Variants in PCDHGA2 observed in about 807,000 individuals in gnomAD.
PCDHGA2 encodes protocadherin gamma subfamily A, 2, also known as protocadherin gamma-A2.
PCDHGA2 carries 40 observed loss-of-function variants against 59.2 expected under a neutral mutation model. That is an observed-to-expected ratio of 0.68 (90% CI 0.52 to 0.88). PCDHGA2 has a LOEUF of 0.88. Among genes scored for constraint, PCDHGA2 ranks in the 40% least tolerant of loss-of-function variants. The probability of loss-of-function intolerance (pLI) is 0.00; values close to 1 mark genes in which losing one functional copy is unlikely to be tolerated. For synonymous variants in PCDHGA2, 560 were observed against 526.0 expected (o/e 1.06, Z -0.89); for missense variants, 1,226 against 1,204.0 (o/e 1.02, Z -0.27).
At chr5:141,495,463 G>T (rs1562169154) in intron 2 of PCDHGA2, among the ~76,000 whole-genome samples, 1 of 152,114 alleles carries the variant, frequency 6.6e-6, no homozygotes, top group Non-Finnish European at 1.5e-5. Context: ...TCTGTCTGTG[G>T]GGTCTCCGTG....
In PCDHGA2 at chr5:141,357,221, A is replaced by G. The variant is rs201265946; in HGVS notation, c.2424+15826A>G. The stretch of plus-strand genomic sequence containing the variant: ...GACAGCATCCCAGATGTCCTGGCTG[A>G]CTTGGGCAGCCTCAAGCCTTCAGCA... On this transcript the variant is annotated intron_variant, in intron 1 of 3. Coordinates refer to ENST00000394576, the MANE Select transcript of PCDHGA2 (RefSeq NM_018915.4). 7.9e-5 allele frequency: 128 copies of G among 1,613,582 alleles called. No individual in the cohort carries two copies. Among genetic ancestry groups the G allele is most frequent in the Admixed American group, 2.2e-4 (13 of 59,986 alleles).
intron 1 of PCDHGA2, chr5:141,418,622 G>C: frequency 6.2e-7 from 1 of 1,614,026 alleles, no homozygotes; most frequent in Non-Finnish European, 8.5e-7. Context: ...TCGGGAAGAC[G>C]TGCCTCCAGG....
intron 1 of PCDHGA2, among the ~76,000 whole-genome samples, chr5:141,401,533 CA>C: frequency 6.6e-6 from 1 of 151,790 alleles, no homozygotes; most frequent in East Asian, 1.9e-4. Flanking sequence ...AAGAAACTTA[CA>C]AAAAAAAGGA....
intron 1 of PCDHGA2, chr5:141,388,188 T>C: frequency 6.5e-7 from 1 of 1,540,372 alleles, no homozygotes; most frequent in South Asian, 1.1e-5. Context: ...GAAGCCAGCT[T>C]GTGCTCTGGA....
At chr5:141,433,640 A>C (rs2097637476) in intron 1 of PCDHGA2, among the ~76,000 whole-genome samples, 2 of 152,138 alleles carry the variant, frequency 1.3e-5, no homozygotes, top group South Asian at 2.1e-4. Flanking sequence ...GTTTGAGACC[A>C]GCCTGACCAA....
At chr5:141,478,720 G>T (rs2154576937) in intron 1 of PCDHGA2, 1 of 1,543,694 alleles carries the variant, frequency 6.5e-7, no homozygotes, top group Admixed American at 2.0e-5. Context: ...ATGGTGGCCT[G>T]CCAGAGTGTG....
In PCDHGA2 at chr5:141,510,272, T is replaced by TAAA. The variant is rs546154379; in HGVS notation, c.2573-658_2573-656dup. 1.5e-3 allele frequency among the ~76,000 whole-genome samples: 198 copies of TAAA among 130,372 alleles called. 1 individual carries two copies. Among genetic ancestry groups the TAAA allele is most frequent in the Non-Finnish European group, 2.8e-3 (172 of 61,058 alleles). The allele number at this position is 130,372 out of a possible 152,430, so 85.5% of individuals were successfully genotyped here. ...TGGGCGACAGAGCAGGACTCCATCTTAAAAAAAAAAAAAAAAAAATGCTGT... is the reference window on the plus strand; with the variant it reads ...TGGGCGACAGAGCAGGACTCCATCTTAAAAAAAAAAAAAAAAAAAAAATGCTGT... On this transcript the variant is annotated intron_variant, in intron 3 of 3. Coordinates refer to ENST00000394576, the MANE Select transcript of PCDHGA2 (RefSeq NM_018915.4).
chr5:141,404,132 T>C, intron 1 of PCDHGA2: 1 of 1,613,136 alleles, frequency 6.2e-7, no homozygotes, highest in Non-Finnish European at 8.5e-7. Context: ...ATCTTTTACA[T>C]TAGAAAATTC....
Position 141,489,902 on chromosome 5 carries a change from C to T in PCDHGA2, c.2425-4905C>T. The T allele has an allele frequency of 6.2e-7, 1 of 1,614,218 alleles. No individual in the cohort carries two copies. The highest frequency in any genetic ancestry group is 8.5e-7 in the Non-Finnish European group (1 of 1,180,032). On this transcript the variant is annotated intron_variant, in intron 1 of 3. Transcript: ENST00000394576. This position sits in a 1 kb window ranked among gnomAD's most constrained non-coding sequence, Gnocchi z 4.5. Reference sequence around the variant, plus strand: ...ACTGCTGTGGATGGGGGGACCCCAGCCCGCTCAGGGACCACCCTTATCTCT... The same window carrying T: ...ACTGCTGTGGATGGGGGGACCCCAGTCCGCTCAGGGACCACCCTTATCTCT...
chr5:141,345,767 G>A (rs1176914515), intron 1 of PCDHGA2: 5 of 1,614,020 alleles, frequency 3.1e-6, no homozygotes, highest in African/African-American at 1.3e-5. Context: ...TGGAGCTGGC[G>A]CCTCGCTCCG....
intron 1 of PCDHGA2, among the ~76,000 whole-genome samples, chr5:141,467,702 C>T (rs2099149453): frequency 6.6e-6 from 1 of 152,086 alleles, no homozygotes; most frequent in South Asian, 2.1e-4. Context: ...GGCTCTGTTG[C>T]CCAGGCTGGA....
intron 1 of PCDHGA2, chr5:141,390,140 A>G (rs747174609): frequency 3.5e-5 from 57 of 1,613,798 alleles, no homozygotes; most frequent in Middle Eastern, 1.6e-4. Context: ...CCTACAATCT[A>G]TGTGTTGCAC....
rs1447473914 is a variant in PCDHGA2 at position 141,341,026 on chromosome 5, C to G, written c.2055C>G (p.Asn685Lys). The change falls in exon 1 of 4, where the codon AAC becomes AAG. Residue 685 changes from asparagine (N) to lysine (K), a missense_variant. Coordinates refer to ENST00000394576, the MANE Select transcript of PCDHGA2 (RefSeq NM_018915.4). ...GCCTCGAGCCCTCCGCCATACCCAA[C>G]GATTCGGACCTCACTCTGTACCTGG... is the stretch of plus-strand genomic sequence containing the variant. ...LGSLEPSAIP[N>K]DSDLTLYLVV... 1.2e-5 allele frequency: 19 copies of G among 1,614,042 alleles called. No individual in the cohort carries two copies. The highest frequency in any genetic ancestry group is 1.6e-5 in the Non-Finnish European group (19 of 1,180,026).
chr5:141,383,513 A>T, intron 1 of PCDHGA2: 1 of 1,612,722 alleles, frequency 6.2e-7, no homozygotes, highest in South Asian at 1.1e-5. Flanking sequence ...CGGGAGGAAG[A>T]GCGGGTTCAC....
chr5:141,349,281 G>T (rs1219532810), intron 1 of PCDHGA2, among the ~76,000 whole-genome samples: 2 of 152,078 alleles, frequency 1.3e-5, no homozygotes, highest in Admixed American at 1.3e-4. Flanking sequence ...TGTTGGACAG[G>T]CTAGTCTCAA....
Position 141,338,963 on chromosome 5 carries a change from A to T in PCDHGA2, c.-9A>T, listed in dbSNP as rs548687567. 1.3e-6 allele frequency: 2 copies of T among 1,526,178 alleles called. No homozygotes were observed. The highest frequency in any genetic ancestry group is 1.8e-6 in the Non-Finnish European group (2 of 1,136,778). 94.5% of individuals were successfully genotyped at this position (1,526,178 alleles called of 1,614,324 possible). On this transcript the variant is annotated 5_prime_UTR_variant, in exon 1 of 4. Transcript: ENST00000394576. Reference sequence around the variant, plus strand: ...AAGTTGACTCGGAGAAAATTGCGACAGGAGGGAAATGGCGGCTCTGCAAAA... The same window carrying T: ...AAGTTGACTCGGAGAAAATTGCGACTGGAGGGAAATGGCGGCTCTGCAAAA...
chr5:141,427,775 G>A (rs768191014), intron 1 of PCDHGA2: 35 of 1,424,948 alleles, frequency 2.5e-5, no homozygotes, highest in Non-Finnish European at 2.9e-5. Context: ...TGGAGCTGCG[G>A]GCACTGTCGT....
intron 2 of PCDHGA2, among the ~76,000 whole-genome samples, chr5:141,499,983 C>T (rs765029745): frequency 5.3e-5 from 8 of 151,352 alleles, no homozygotes; most frequent in African/African-American, 9.7e-5. Context: ...CCACCTTGCC[C>T]GGCCAGATGA....
In PCDHGA2 at chr5:141,428,860, CTT is replaced by C. The variant is rs34152666; in HGVS notation, c.2425-65935_2425-65934del. On this transcript the variant is annotated intron_variant, in intron 1 of 3. Transcript: ENST00000394576. The stretch of plus-strand genomic sequence containing the variant: ...ACATTTTCACCATTTTTACGGGAGA[CTT>C]TTTTTTTTTTTGGACGGAGTCTCGC... The C allele has an allele frequency of 7.4e-3, 1,070 of 145,506 alleles. 4 individuals carry two copies. Among genetic ancestry groups the C allele is most frequent in the South Asian group, 0.018 (82 of 4,566 alleles). 9.0% of individuals were successfully genotyped at this position (145,506 alleles called of 1,614,324 possible).
Sources: allele counts gnomAD v4.1 joint callset (sites outside exome capture counted in the v4.1 genomes callset), GRCh38; gene constraint gnomAD v4.1.1; non-coding constraint Gnocchi (gnomAD v3.1); transcripts MANE v1.5; gene names NCBI Gene and HGNC (gene_info 2026-07-23, HGNC 2026-07-21).